CSGALNACT1: variants seen among roughly 807,000 people sequenced by gnomAD.
CSGALNACT1 encodes the protein beta4GalNAcT-1.
In CSGALNACT1, 52 loss-of-function variants were observed where a neutral mutation model predicts 51.0. That is an observed-to-expected ratio of 1.02 (90% CI 0.82 to 1.29). The LOEUF (loss-of-function observed/expected upper bound fraction) is 1.29, where lower values mean the gene tolerates loss of function less well. CSGALNACT1 is among the 50% of genes most tolerant of loss of function. The pLI is 0.00. For missense variants in CSGALNACT1, 935 were observed against 679.2 expected (o/e 1.38, Z -4.19); for synonymous variants, 341 against 254.4 (o/e 1.34, Z -3.24).
intron 2 of CSGALNACT1, among the ~76,000 whole-genome samples, chr8:19,597,674 G>C (rs1464149039): frequency 6.6e-6 from 1 of 152,136 alleles, no homozygotes; most frequent in African/African-American, 2.4e-5. Flanking sequence ...TTGCCTCCAA[G>C]GCAGCAGAGA....
chr8:19,569,332 A>G (rs982915470), intron 3 of CSGALNACT1, among the ~76,000 whole-genome samples: 2 of 152,218 alleles, frequency 1.3e-5, no homozygotes, highest in African/African-American at 2.4e-5. Context: ...AACTTGACTC[A>G]CACTGCTGAT....
chr8:19,625,817 C>T (rs2054379928), intron 1 of CSGALNACT1, among the ~76,000 whole-genome samples: 1 of 152,166 alleles, frequency 6.6e-6, no homozygotes, highest in African/African-American at 2.4e-5. Flanking sequence ...CATCCTAAGC[C>T]AGTTAGTTTC....
exon 10 of CSGALNACT1, chr8:19,404,676 T>C (rs1198253660): frequency 2.2e-6 from 1 of 454,134 alleles, no homozygotes; most frequent in Non-Finnish European, 4.4e-6. Context: ...AGCACCCTGT[T>C]TTGAAAAGAG....
At chr8:19,433,281 CT>C (rs2059910247) in intron 6 of CSGALNACT1, among the ~76,000 whole-genome samples, 1 of 152,152 alleles carries the variant, frequency 6.6e-6, no homozygotes, top group Non-Finnish European at 1.5e-5. Context: ...CAATCAATGC[CT>C]TATTTATCCT....
intron 1 of CSGALNACT1, among the ~76,000 whole-genome samples, chr8:19,612,979 A>AAAAAAAAAAAAAAC (rs2052498036): frequency 6.8e-6 from 1 of 146,722 alleles, no homozygotes; most frequent in African/African-American, 2.6e-5. Flanking sequence ...AAAAAAAAAA[A>AAAAAAAAAAAAAAC]AGCACAGCTG....
upstream of CSGALNACT1, among the ~76,000 whole-genome samples, chr8:19,684,914 T>A (rs2060887749): frequency 6.6e-6 from 1 of 152,224 alleles, no homozygotes; most frequent in Non-Finnish European, 1.5e-5. Context: ...TAAAAAAATG[T>A]GTGAATTTCA....
At chr8:19,457,512 C>G (rs1035550962) in intron 5 of CSGALNACT1, 1 of 436,394 alleles carries the variant, frequency 2.3e-6, no homozygotes, top group African/African-American at 2.1e-5. Context: ...ACTTGGGAAG[C>G]TGAGGCAGGA....
chr8:19,739,427 T>G (rs2064176617), intron 1 of CSGALNACT1, among the ~76,000 whole-genome samples: 1 of 152,118 alleles, frequency 6.6e-6, no homozygotes, highest in Non-Finnish European at 1.5e-5. Context: ...TCTCTGGGTT[T>G]GAAACACATG....
rs149357655 is a variant in CSGALNACT1 at position 19,691,316 on chromosome 8, C to G, written c.-297+66534G>C. ...AGGCCTCCTCCCAAACACCGCTGAG[C>G]AGGGCTTCTAGATCTCACTGTTTTT... On this transcript the variant is annotated intron_variant, in intron 1 of 1. Transcript: ENST00000517494. Among the ~76,000 whole-genome samples, 1,057 of 152,236 alleles carry G rather than the reference C, an allele frequency of 6.9e-3. 12 individuals are homozygous for G. The highest frequency in any genetic ancestry group is 0.025 in the African/African-American group (1,019 of 41,542).
intron 3 of CSGALNACT1, among the ~76,000 whole-genome samples, chr8:19,565,341 G>A (rs1159468248): frequency 1.3e-5 from 2 of 152,140 alleles, no homozygotes; most frequent in African/African-American, 2.4e-5. Context: ...GGCATAAACT[G>A]TCACCTCTCC....
chr8:19,632,335 T>C (rs184362207), intron 1 of CSGALNACT1, among the ~76,000 whole-genome samples: 17 of 152,374 alleles, frequency 1.1e-4, no homozygotes, highest in African/African-American at 4.1e-4. Context: ...GATCAAACCA[T>C]GTAAAAACAA....
intron 6 of CSGALNACT1, among the ~76,000 whole-genome samples, chr8:19,432,937 G>A (rs988239405): frequency 1.6e-4 from 25 of 151,762 alleles, no homozygotes; most frequent in African/African-American, 5.8e-4. Context: ...CTTCTTTAAG[G>A]ACAAGTTCTA....
chr8:19,554,656 G>A (rs992838816), intron 3 of CSGALNACT1, among the ~76,000 whole-genome samples: 5 of 129,456 alleles, frequency 3.9e-5, no homozygotes, highest in African/African-American at 1.6e-4. Context: ...AGTGGCTCAT[G>A]CCTAAAATTC....
chr8:19,567,130 T>C (rs371449641), intron 3 of CSGALNACT1, among the ~76,000 whole-genome samples: 1 of 152,152 alleles, frequency 6.6e-6, no homozygotes, highest in African/African-American at 2.4e-5. Flanking sequence ...AGGGCACAGA[T>C]TGGTTCAACT....
At chr8:19,452,230 A>T (rs977591885) in intron 5 of CSGALNACT1, among the ~76,000 whole-genome samples, 2 of 152,254 alleles carry the variant, frequency 1.3e-5, no homozygotes, top group African/African-American at 4.8e-5. Context: ...GAGGAGACAC[A>T]GATTCAGGTG....
At chr8:19,545,504 A>T (rs10096224) in intron 3 of CSGALNACT1, among the ~76,000 whole-genome samples, 41,337 of 151,960 alleles carry the variant, frequency 0.27, 5,845 homozygotes, top group African/African-American at 0.37. Flanking sequence ...GTCAGATGAA[A>T]AAGCAGATGG....
intron 1 of CSGALNACT1, among the ~76,000 whole-genome samples, chr8:19,613,245 T>A (rs76026837): frequency 0.023 from 3,432 of 152,308 alleles, 139 homozygotes; most frequent in African/African-American, 0.078. Context: ...TTCAAAAACA[T>A]CCTGTTCTAG....
intron 1 of CSGALNACT1, among the ~76,000 whole-genome samples, chr8:19,659,075 C>A (rs1169593540): frequency 6.6e-6 from 1 of 152,200 alleles, no homozygotes; most frequent in African/African-American, 2.4e-5. Flanking sequence ...CCAACCCACC[C>A]ACCACCTTAC....
At chr8:19,580,974 A>G (rs774558456) in intron 3 of CSGALNACT1, among the ~76,000 whole-genome samples, 23 of 152,230 alleles carry the variant, frequency 1.5e-4, no homozygotes, top group Admixed American at 7.2e-4. Context: ...AAAACAAAGA[A>G]TTGAAAATAT....
Sources: allele counts gnomAD v4.1 joint callset (sites outside exome capture counted in the v4.1 genomes callset), GRCh38; gene constraint gnomAD v4.1.1; transcripts MANE v1.5; gene names NCBI Gene and HGNC (gene_info 2026-07-23, HGNC 2026-07-21).